GPSM2: variants seen among roughly 807,000 people sequenced by gnomAD.
GPSM2 encodes the protein G protein-signaling modulator 2.
Under a neutral mutation model 78.4 loss-of-function variants are expected in GPSM2, and 58 were observed. The observed-to-expected ratio is 0.74, with a 90% confidence interval of 0.60 to 0.92. The LOEUF is 0.92. Ranked by LOEUF, GPSM2 falls within the 40% of genes least tolerant of loss-of-function variation. The pLI, the probability that GPSM2 is intolerant of heterozygous loss-of-function variation, is 0.00. For missense variants in GPSM2, 700 were observed against 815.5 expected, an observed-to-expected ratio of 0.86 and a Z score of 1.73; for synonymous variants, 224 against 280.2, an observed-to-expected ratio of 0.80 and a Z score of 2.00.
intron 2 of GPSM2, 68 bp downstream of exon 2, chr1:108,885,646 C>A (rs1378910564): frequency 1.3e-5 from 12 of 918,696 alleles, no homozygotes; most frequent in Non-Finnish European, 1.8e-5. Flanking sequence ...ACTCTGATGA[C>A]CATTTCAAGT....
rs367914389 is a variant in GPSM2, at chr1:108,930,890, CAA to C, written c.*963_*964del. ...TGAGTGACAGAGCAAGACTCTGTCTCAAAAAAAAAAAAAACAGCAAGCATGCT... is the reference window on the plus strand; with the variant it reads ...TGAGTGACAGAGCAAGACTCTGTCTCAAAAAAAAAAAACAGCAAGCATGCT... On this transcript the variant is annotated 3_prime_UTR_variant, in exon 15 of 15. Coordinates refer to ENST00000264126, the MANE Select transcript of GPSM2 (RefSeq NM_013296.5). 49,642 of 128,398 alleles carry C rather than the reference CAA, an allele frequency of 0.39. 9,735 individuals carry two copies. Among genetic ancestry groups the C allele is most frequent in the African/African-American group, 0.58 (21,713 of 37,126 alleles). The allele number at this position is 128,398 out of a possible 1,614,324, so 8.0% of individuals were successfully genotyped here.
chr1:108,904,150 C>T lies in GPSM2; in HGVS notation c.1088C>T (p.Thr363Ile), dbSNP rs1318309858. ...REVGDKSGELTARLNLSDLQM... is the reference protein window; with the variant it reads ...REVGDKSGELIARLNLSDLQM... ...GTTGGGGATAAAAGTGGTGAACTAA[C>T]AGCACGACTTAATCTCTCAGACCTT... The change falls in exon 10 of 15, where the codon ACA (threonine) becomes ATA (isoleucine). Residue 363 changes from threonine (T) to isoleucine (I), a missense_variant. By Grantham distance (89) the Thr-to-Ile change is moderately conservative. Coordinates refer to ENST00000264126, the MANE Select transcript of GPSM2 (RefSeq NM_013296.5). The T allele has an allele frequency of 6.3e-6, 10 of 1,599,698 alleles. No homozygotes were observed. Among genetic ancestry groups the T allele is most frequent in the Admixed American group, 1.7e-5 (1 of 59,974 alleles).
Position 108,904,272 on chromosome 1 carries a change from TA to T in GPSM2, c.1192+22del. ...TTTGAATGGTAAGTAATAGGACTTT[TA>T]AAACCCAATTTTTTTATCCTCAATA... On this transcript the variant is annotated intron_variant, in intron 10 of 14. Transcript: ENST00000264126. 6.7e-7 allele frequency: 1 copy of T among 1,495,996 alleles called. No homozygotes were observed. Among genetic ancestry groups the T allele is most frequent in the Non-Finnish European group, 9.3e-7 (1 of 1,077,572 alleles). The allele number at this position is 1,495,996 out of a possible 1,614,324, so 92.7% of individuals were successfully genotyped here.
At chr1:108,919,124 C>G (rs1179236671) in intron 12 of GPSM2, among the ~76,000 whole-genome samples, 1 of 152,098 alleles carries the variant, frequency 6.6e-6, no homozygotes, top group Non-Finnish European at 1.5e-5. Flanking sequence ...TCTCCTGCCT[C>G]AGCCTCCCGA....
intron 1 of GPSM2, among the ~76,000 whole-genome samples, chr1:108,883,255 C>A (rs576313906): frequency 1.3e-5 from 2 of 152,356 alleles, no homozygotes; most frequent in East Asian, 3.9e-4. Flanking sequence ...CTTTCACCTT[C>A]TGCTCTGTTC....
rs367796263 is a variant in GPSM2 at position 108,922,482 on chromosome 1, T to C, written c.1506T>C (p.Asn502=). Residue 502 remains asparagine, a synonymous_variant, in exon 13 of 15, where the codon AAT becomes AAC. Coordinates refer to ENST00000264126, the MANE Select transcript of GPSM2 (RefSeq NM_013296.5). ...ACTTATTAAGCCGATTTCAAAGCAATAGGATGGATGATCAGAGATGTTGCT... is the reference window on the plus strand; with the variant it reads ...ACTTATTAAGCCGATTTCAAAGCAACAGGATGGATGATCAGAGATGTTGCT... ...FFDLLSRFQS[N]RMDDQRCCLQ... is the part of the protein sequence containing the mutation. 12 of 1,611,722 alleles carry C rather than the reference T, an allele frequency of 7.4e-6. No homozygotes were observed. Among genetic ancestry groups the C allele is most frequent in the African/African-American group, 4.0e-5 (3 of 74,868 alleles).
In GPSM2 at chr1:108,932,471, G is replaced by A. The variant is rs1281099910; in HGVS notation, c.*2531G>A. The A allele has an allele frequency of 2.0e-5, 3 of 152,178 alleles. No individual in the cohort carries two copies. The highest frequency in any genetic ancestry group is 2.9e-5 in the Non-Finnish European group (2 of 68,036). 9.4% of individuals were successfully genotyped at this position (152,178 alleles called of 1,614,324 possible). A position where few individuals can be genotyped will look rare whatever the true frequency, so the allele number is the denominator to read the frequency against. ...ACAGTTGCATGTCGCCTTGCTAGCT[G>A]TCAAAGTAGACTTCATCCCCAAATG... On this transcript the variant is annotated 3_prime_UTR_variant, in exon 15 of 15. Coordinates refer to ENST00000264126, the MANE Select transcript of GPSM2 (RefSeq NM_013296.5).
chr1:108,896,459 A>G (rs964977876), intron 2 of GPSM2, among the ~76,000 whole-genome samples: 2 of 152,148 alleles, frequency 1.3e-5, no homozygotes, highest in East Asian at 3.9e-4. Flanking sequence ...ATACCTGGGT[A>G]GAGAACAATA....
intron 4 of GPSM2, 47 bp downstream of exon 4, chr1:108,897,674 G>A: frequency 6.5e-7 from 1 of 1,538,686 alleles, no homozygotes; most frequent in Non-Finnish European, 9.0e-7. Context: ...TCATTCAAAG[G>A]GCTTTGCATT....
intron 10 of GPSM2, among the ~76,000 whole-genome samples, chr1:108,906,502 C>G (rs762795623): frequency 3.3e-5 from 5 of 151,538 alleles, no homozygotes; most frequent in Non-Finnish European, 7.4e-5. Context: ...AATGATTTCT[C>G]TTACTTCGAT....
Position 108,931,513 on chromosome 1 carries a change from C to T in GPSM2, c.*1573C>T, listed in dbSNP as rs566288502. 281 of 1,534,530 alleles carry T rather than the reference C, an allele frequency of 1.8e-4. No homozygotes were observed. Among genetic ancestry groups the T allele is most frequent in the Admixed American group, 2.3e-4 (11 of 48,214 alleles). On this transcript the variant is annotated 3_prime_UTR_variant, in exon 15 of 15. Transcript: ENST00000264126. Reference sequence around the variant, plus strand: ...GGGATGGGATCTGGGGATGTGGACCCCTATTCTTTCAAAAAGTCATTCAGG... The same window carrying T: ...GGGATGGGATCTGGGGATGTGGACCTCTATTCTTTCAAAAAGTCATTCAGG...
At chr1:108,924,508 A>G (rs1434030382) in intron 14 of GPSM2, 9 of 438,926 alleles carry the variant, frequency 2.1e-5, no homozygotes, top group Non-Finnish European at 3.4e-5. Context: ...GCTATGAAGA[A>G]CTTTAAAGGA....
At chr1:108,886,002 A>G (rs1324616663) in intron 2 of GPSM2, among the ~76,000 whole-genome samples, 1 of 151,802 alleles carries the variant, frequency 6.6e-6, no homozygotes, top group Non-Finnish European at 1.5e-5. Flanking sequence ...TTTGTAGTGT[A>G]TTGTTTTGAT....
intron 11 of GPSM2, 65 bp downstream of exon 11, chr1:108,914,473 T>G: frequency 2.7e-6 from 3 of 1,124,120 alleles, no homozygotes; most frequent in Non-Finnish European, 4.0e-6. Flanking sequence ...TAATTTTTAA[T>G]TTAATGAAAT....
At chr1:108,900,878 G>T (rs1020223598) in intron 7 of GPSM2, among the ~76,000 whole-genome samples, 1 of 152,064 alleles carries the variant, frequency 6.6e-6, no homozygotes, top group African/African-American at 2.4e-5. Context: ...TCACGTTACC[G>T]CATAGTAATT....
rs779727532 is a variant in GPSM2, at chr1:108,897,089, AT to A, written c.278+6del. The A allele has an allele frequency of 1.3e-6, 2 of 1,568,468 alleles. No individual in the cohort carries two copies. Among genetic ancestry groups the A allele is most frequent in the Non-Finnish European group, 1.8e-6 (2 of 1,139,644 alleles). The stretch of plus-strand genomic sequence containing the variant: ...ATCATGATTTAACCCTTGCAAGGTA[AT>A]TAATTTAAGCTTTTAAATATTCTTC... On this transcript the variant is annotated splice_donor_5th_base_variant and intron_variant, in intron 3 of 14. Coordinates refer to ENST00000264126, the MANE Select transcript of GPSM2 (RefSeq NM_013296.5).
intron 2 of GPSM2, among the ~76,000 whole-genome samples, chr1:108,887,111 C>T (rs1647617275): frequency 6.6e-6 from 1 of 152,112 alleles, no homozygotes; most frequent in Non-Finnish European, 1.5e-5. Context: ...TGGTCTTGAG[C>T]TCCTGGCCTC....
At chr1:108,917,395 G>A (rs1054071236) in intron 11 of GPSM2, among the ~76,000 whole-genome samples, 3 of 150,866 alleles carry the variant, frequency 2.0e-5, no homozygotes, top group Admixed American at 6.7e-5. Context: ...GTGAAACCCC[G>A]TCTCTACTAA....
At chr1:108,884,753 A>G (rs928506654) in intron 1 of GPSM2, among the ~76,000 whole-genome samples, 2 of 152,190 alleles carry the variant, frequency 1.3e-5, no homozygotes, top group Non-Finnish European at 2.9e-5. Flanking sequence ...ATATTTCCCA[A>G]ATGTCTTTTG....
Sources: allele counts gnomAD v4.1 joint callset (sites outside exome capture counted in the v4.1 genomes callset), GRCh38; gene constraint gnomAD v4.1.1; transcripts MANE v1.5; gene names NCBI Gene and HGNC (gene_info 2026-07-23, HGNC 2026-07-21).